Variants in MAP3K13 observed in about 807,000 individuals in gnomAD.
MAP3K13 encodes mitogen-activated protein kinase kinase kinase 13, also known as leucine zipper-bearing kinase.
In MAP3K13, 52 loss-of-function variants were observed where a neutral mutation model predicts 104.0. That is an observed-to-expected ratio of 0.50 (90% CI 0.40 to 0.63). MAP3K13 has a LOEUF of 0.63. Among genes scored for constraint, MAP3K13 ranks in the 20% least tolerant of loss-of-function variants. MAP3K13 has a pLI of 0.00. For synonymous variants in MAP3K13, 394 were observed against 442.2 expected (o/e 0.89, Z 1.37); for missense variants, 914 against 1,218.5 (o/e 0.75, Z 3.72).
chr3:185,487,451 C>G lies in MAP3K13; in HGVS notation c.*4995C>G, dbSNP rs1351675779. 1 of 152,056 alleles carries G rather than the reference C, an allele frequency of 6.6e-6. No individual in the cohort carries two copies. Among genetic ancestry groups the G allele is most frequent in the African/African-American group, 2.4e-5 (1 of 41,358 alleles). The allele number at this position is 152,056 out of a possible 1,614,324, so 9.4% of individuals were successfully genotyped here. Reference sequence around the variant, plus strand: ...AAAGTACTGGGATTACAAACGTGAGCTGCCATGCCCAGCCTCCAGACTATT... The same window carrying G: ...AAAGTACTGGGATTACAAACGTGAGGTGCCATGCCCAGCCTCCAGACTATT... On this transcript the variant is annotated 3_prime_UTR_variant, in exon 14 of 14. Coordinates refer to ENST00000265026, the MANE Select transcript of MAP3K13 (RefSeq NM_004721.5).
At chr3:185,341,198 T>C (rs932365320) in intron 2 of MAP3K13, among the ~76,000 whole-genome samples, 2 of 152,046 alleles carry the variant, frequency 1.3e-5, no homozygotes, top group African/African-American at 4.8e-5. Flanking sequence ...ACATATGAGG[T>C]CATAGTAGTT....
chr3:185,414,363 G>T (rs1014106923), intron 1 of MAP3K13, among the ~76,000 whole-genome samples: 1 of 152,186 alleles, frequency 6.6e-6, no homozygotes, highest in Non-Finnish European at 1.5e-5. Context: ...TCTGCACTAG[G>T]TGCTGAGGCT....
intron 7 of MAP3K13, among the ~76,000 whole-genome samples, chr3:185,455,079 G>T (rs184642683): frequency 1.1e-5 from 1 of 93,604 alleles, no homozygotes. Flanking sequence ...TGAGATATAT[G>T]TGAGATATAT....
intron 1 of MAP3K13, among the ~76,000 whole-genome samples, chr3:185,395,557 A>C (rs1712354480): frequency 6.8e-6 from 1 of 146,302 alleles, no homozygotes; most frequent in Non-Finnish European, 1.5e-5. Flanking sequence ...ACGGGGTTTC[A>C]CCGTTTTAGC....
At chr3:185,442,373 C>T (rs1210603337) in intron 3 of MAP3K13, among the ~76,000 whole-genome samples, 6 of 151,230 alleles carry the variant, frequency 4.0e-5, no homozygotes, top group Admixed American at 3.3e-4. Flanking sequence ...AAAATTGAGT[C>T]GTCTTTGGGT....
chr3:185,290,643 G>A (rs1042417450), intron 2 of MAP3K13, among the ~76,000 whole-genome samples: 19 of 152,038 alleles, frequency 1.2e-4, no homozygotes, highest in African/African-American at 4.3e-4. Flanking sequence ...TTACCAGCTC[G>A]GTAATTACCT....
chr3:185,312,993 C>T (rs976043535), intron 2 of MAP3K13, among the ~76,000 whole-genome samples: 4 of 152,044 alleles, frequency 2.6e-5, no homozygotes, highest in African/African-American at 7.2e-5. Context: ...AGTTCAAGAC[C>T]AGCCTACTCA....
At chr3:185,342,034 A>G (rs1245986117) in intron 2 of MAP3K13, among the ~76,000 whole-genome samples, 1 of 152,202 alleles carries the variant, frequency 6.6e-6, no homozygotes, top group East Asian at 1.9e-4. Flanking sequence ...CCTTGTCATG[A>G]GGAGACTCAG....
At chr3:185,424,451 T>C (rs1462396841) in intron 1 of MAP3K13, among the ~76,000 whole-genome samples, 2 of 152,228 alleles carry the variant, frequency 1.3e-5, no homozygotes, top group East Asian at 3.8e-4. Context: ...GTATATTACT[T>C]TAGAGAAATT....
chr3:185,300,545 G>T (rs1403220237), intron 2 of MAP3K13, among the ~76,000 whole-genome samples: 1 of 150,892 alleles, frequency 6.6e-6, no homozygotes, highest in African/African-American at 2.4e-5. Flanking sequence ...AGGCTGGAGT[G>T]CAATGGCGCC....
chr3:185,422,367 T>C (rs943424418), intron 1 of MAP3K13, among the ~76,000 whole-genome samples: 2 of 152,230 alleles, frequency 1.3e-5, no homozygotes, highest in African/African-American at 2.4e-5. Flanking sequence ...GATTCTCATA[T>C]GTGAAATAAG....
intron 3 of MAP3K13, among the ~76,000 whole-genome samples, chr3:185,438,798 T>C (rs1715177383): frequency 6.6e-6 from 1 of 152,172 alleles, no homozygotes; most frequent in Non-Finnish European, 1.5e-5. Context: ...TAAGTGGCTT[T>C]AGAGGAAAGA....
chr3:185,396,830 A>C (rs748215200), intron 1 of MAP3K13, among the ~76,000 whole-genome samples: 10 of 152,062 alleles, frequency 6.6e-5, no homozygotes, highest in Admixed American at 1.3e-4. Context: ...CTCAGTCTGG[A>C]GTGACTGAAG....
intron 1 of MAP3K13, among the ~76,000 whole-genome samples, chr3:185,415,253 A>G (rs1323836424): frequency 2.0e-5 from 3 of 152,014 alleles, no homozygotes. Flanking sequence ...CCCGGCTTCA[A>G]GAGGTTCTCA....
chr3:185,328,934 C>T (rs1037622352), intron 2 of MAP3K13: 4 of 335,452 alleles, frequency 1.2e-5, no homozygotes, highest in Non-Finnish European at 2.2e-5. Flanking sequence ...CTGGTAGTTC[C>T]ATGCTGTCTG....
upstream of MAP3K13, among the ~76,000 whole-genome samples, chr3:185,358,512 A>G (rs1316601620): frequency 6.6e-6 from 1 of 152,224 alleles, no homozygotes; most frequent in African/African-American, 2.4e-5. Context: ...TTTAGATAGC[A>G]TGTAGCTTTC....
intron 2 of MAP3K13, among the ~76,000 whole-genome samples, chr3:185,302,953 G>A (rs1328785800): frequency 6.6e-6 from 1 of 152,154 alleles, no homozygotes; most frequent in East Asian, 1.9e-4. Context: ...ACCATGGAGT[G>A]TGACATTGGC....
At chr3:185,469,624 T>C (rs1717660360) in intron 10 of MAP3K13, among the ~76,000 whole-genome samples, 1 of 152,198 alleles carries the variant, frequency 6.6e-6, no homozygotes, top group Admixed American at 6.5e-5. Flanking sequence ...TTAACTGTAC[T>C]TTTCCTGTAA....
In MAP3K13 at chr3:185,485,366, A is replaced by T. The variant is rs970469915; in HGVS notation, c.*2910A>T. 1.3e-5 allele frequency: 2 copies of T among 152,160 alleles called. No individual in the cohort carries two copies. Among genetic ancestry groups the T allele is most frequent in the Admixed American group, 6.5e-5 (1 of 15,274 alleles). The allele number at this position is 152,160 out of a possible 1,614,324, so 9.4% of individuals were successfully genotyped here. Reference sequence around the variant, plus strand: ...AAATGGTATACAGTAGTCCCCTCTTACCCATGGCTTCATTTTCATGGTTTC... The same window carrying T: ...AAATGGTATACAGTAGTCCCCTCTTTCCCATGGCTTCATTTTCATGGTTTC... On this transcript the variant is annotated 3_prime_UTR_variant, in exon 14 of 14. Coordinates refer to ENST00000265026, the MANE Select transcript of MAP3K13 (RefSeq NM_004721.5).
Sources: gnomAD v4.1 joint callset for allele counts (sites outside exome capture counted in the v4.1 genomes callset) on GRCh38, gnomAD v4.1.1 for gene constraint, MANE v1.5 for transcripts, NCBI Gene and HGNC (gene_info 2026-07-23, HGNC 2026-07-21) for gene names.